Variants in SNTG1 observed in about 807,000 individuals in gnomAD.
SNTG1 encodes the protein syntrophin gamma 1.
A neutral mutation model predicts 74.7 loss-of-function variants in SNTG1; 39 were observed. The observed-to-expected ratio is 0.52, with a 90% CI of 0.40 to 0.68. The LOEUF is 0.68. Ranked by LOEUF, SNTG1 falls within the 30% of genes least tolerant of loss-of-function variation. The pLI, the probability that SNTG1 is intolerant of heterozygous loss-of-function variation, is 0.00. For synonymous variants in SNTG1, 254 were observed against 217.1 expected (o/e 1.17, Z -1.49); for missense variants, 685 against 609.5 (o/e 1.12, Z -1.30).
At chr8:50,665,631 T>C (rs1400939087) in intron 15 of SNTG1, among the ~76,000 whole-genome samples, 3 of 152,134 alleles carry the variant, frequency 2.0e-5, no homozygotes, top group Non-Finnish European at 4.4e-5. Flanking sequence ...TAAGTCATAT[T>C]ACTGTGCTAG....
chr8:50,763,089 G>A (rs2095603645), intron 18 of SNTG1, among the ~76,000 whole-genome samples: 2 of 151,728 alleles, frequency 1.3e-5, no homozygotes, highest in South Asian at 4.2e-4. Context: ...CCTCAGCACC[G>A]GTTTCTGCAG....
chr8:50,787,068 C>T (rs1389039357), intron 18 of SNTG1, among the ~76,000 whole-genome samples: 2 of 151,568 alleles, frequency 1.3e-5, no homozygotes, highest in African/African-American at 4.8e-5. Context: ...TTGGCAGAAA[C>T]ATTTTCAAAT....
intron 2 of SNTG1, among the ~76,000 whole-genome samples, chr8:50,324,792 G>A (rs982611815): frequency 1.3e-5 from 2 of 151,584 alleles, no homozygotes; most frequent in African/African-American, 4.9e-5. Flanking sequence ...CATGAACTAT[G>A]CCTCTGGTTA....
In SNTG1 at chr8:50,305,334, C is replaced by T. The variant is rs10088356; in HGVS notation, c.-27-88878C>T. Among the ~76,000 whole-genome samples the T allele has an allele frequency of 6.1e-3, 926 of 151,830 alleles. 10 individuals are homozygous for T. The highest frequency in any genetic ancestry group is 0.021 in the African/African-American group (872 of 41,394). On this transcript the variant is annotated intron_variant, in intron 2 of 18. Transcript: ENST00000642720. ...ATGGTGTACCTGCTCAATTTTTGCTCGGGTGATAAAACAGTTTTTTTAATG... is the reference window on the plus strand; with the variant it reads ...ATGGTGTACCTGCTCAATTTTTGCTTGGGTGATAAAACAGTTTTTTTAATG...
chr8:50,311,630 A>G (rs1170466867), intron 2 of SNTG1, among the ~76,000 whole-genome samples: 1 of 152,224 alleles, frequency 6.6e-6, no homozygotes, highest in African/African-American at 2.4e-5. Flanking sequence ...TTCTGAAAAT[A>G]TATTTCAAAA....
At position 50,014,013 on chromosome 8, in the gene SNTG1, C is replaced by A. The variant is rs533832136; in HGVS notation, c.-103+101782C>A. ...TTTGATCTCAGAAAAATAACCAAAG[C>A]CACAGAATGTACTGAGGAGAACCTA... is the stretch of plus-strand genomic sequence containing the variant. On this transcript the variant is annotated intron_variant, in intron 1 of 18. Transcript: ENST00000642720. 3.3e-5 allele frequency among the ~76,000 whole-genome samples: 5 copies of A among 152,162 alleles called. No homozygotes were observed. In the East Asian group the frequency reaches 9.7e-4, roughly 29 times the overall value.
At chr8:50,741,212 C>T (rs2095542526) in intron 17 of SNTG1, among the ~76,000 whole-genome samples, 1 of 151,980 alleles carries the variant, frequency 6.6e-6, no homozygotes, top group African/African-American at 2.4e-5. Context: ...GCAACACTCA[C>T]CTCCTGGGTT....
At chr8:50,526,926 G>A (rs1030822149) in intron 9 of SNTG1, among the ~76,000 whole-genome samples, 2 of 152,056 alleles carry the variant, frequency 1.3e-5, no homozygotes, top group African/African-American at 4.8e-5. Context: ...CCGGCCCGAA[G>A]TCAGCATGTT....
chr8:50,096,237 G>T (rs1046544514), intron 1 of SNTG1, among the ~76,000 whole-genome samples: 1 of 152,028 alleles, frequency 6.6e-6, no homozygotes, highest in Admixed American at 6.6e-5. Flanking sequence ...TGAATTTGAG[G>T]ATTAGGTGAA....
chr8:50,634,562 C>T (rs1040209480), intron 13 of SNTG1, among the ~76,000 whole-genome samples: 1 of 152,118 alleles, frequency 6.6e-6, no homozygotes, highest in African/African-American at 2.4e-5. Context: ...TACCCTTTAC[C>T]TAGTTTCTCC....
intron 1 of SNTG1, among the ~76,000 whole-genome samples, chr8:50,054,482 A>T (rs746776406): frequency 6.6e-6 from 1 of 151,956 alleles, no homozygotes; most frequent in Admixed American, 6.6e-5. Flanking sequence ...TCATCTTTTC[A>T]TACTTATATT....
chr8:49,921,208 A>C (rs1173470930), intron 1 of SNTG1, among the ~76,000 whole-genome samples: 2 of 152,108 alleles, frequency 1.3e-5, no homozygotes, highest in East Asian at 3.9e-4. Flanking sequence ...TTCAAAAGTA[A>C]GAAAAAAATA....
At chr8:50,532,092 C>T (rs886143660) in intron 10 of SNTG1, among the ~76,000 whole-genome samples, 3 of 152,178 alleles carry the variant, frequency 2.0e-5, no homozygotes, top group African/African-American at 7.2e-5. Context: ...ATTCTTCTTA[C>T]TGGAGCTATG....
At chr8:50,307,446 AT>A (rs1002316888) in intron 2 of SNTG1, among the ~76,000 whole-genome samples, 1 of 151,818 alleles carries the variant, frequency 6.6e-6, no homozygotes, top group Non-Finnish European at 1.5e-5. Flanking sequence ...TTCTCCATTT[AT>A]TTTTTATTTC....
intron 17 of SNTG1, among the ~76,000 whole-genome samples, chr8:50,735,176 G>A (rs2131637401): frequency 6.6e-6 from 1 of 151,562 alleles, no homozygotes; most frequent in Non-Finnish European, 1.5e-5. Context: ...TTTAAAAAAT[G>A]ATCTAACTGT....
intron 1 of SNTG1, among the ~76,000 whole-genome samples, chr8:49,940,574 C>T (rs545463650): frequency 3.3e-5 from 5 of 152,050 alleles, no homozygotes; most frequent in Non-Finnish European, 5.9e-5. Flanking sequence ...CAGGTTTGCT[C>T]AAGGAGAGAC....
chr8:50,041,985 G>T (rs560657221), intron 1 of SNTG1, among the ~76,000 whole-genome samples: 1 of 152,186 alleles, frequency 6.6e-6, no homozygotes, highest in South Asian at 2.1e-4. Flanking sequence ...AACTTACAAT[G>T]GGGTTACATC....
intron 8 of SNTG1, among the ~76,000 whole-genome samples, chr8:50,499,762 C>T (rs1027204877): frequency 1.5e-4 from 23 of 151,746 alleles, no homozygotes; most frequent in African/African-American, 5.6e-4. Flanking sequence ...TGAATATTGA[C>T]AAATATTTTT....
chr8:50,004,600 A>G (rs1387912286), intron 1 of SNTG1, among the ~76,000 whole-genome samples: 1 of 152,144 alleles, frequency 6.6e-6, no homozygotes, highest in Non-Finnish European at 1.5e-5. Flanking sequence ...TTCTCCATAG[A>G]AAAAGAAAAA....
Sources: allele counts gnomAD v4.1 joint callset (sites outside exome capture counted in the v4.1 genomes callset), GRCh38; gene constraint gnomAD v4.1.1; transcripts MANE v1.5; gene names NCBI Gene and HGNC (gene_info 2026-07-23, HGNC 2026-07-21).